The following FAHD2B variants were observed in gnomAD, a reference collection of about 807,000 sequenced individuals.
The protein encoded by FAHD2B is fumarylacetoacetate hydrolase domain containing 2B.
FAHD2B carries 26 observed loss-of-function variants against 33.7 expected under a neutral mutation model. The ratio of observed to expected loss-of-function variants is 0.77; its 90% CI spans 0.57 to 1.07. The LOEUF (loss-of-function observed/expected upper bound fraction) is 1.07, where lower values mean the gene tolerates loss of function less well. FAHD2B is among the 50% of genes least tolerant of loss of function. The pLI, the probability that FAHD2B is intolerant of heterozygous loss-of-function variation, is 0.00. For synonymous variants in FAHD2B, 108 were observed against 150.9 expected (o/e 0.72, Z 2.08); for missense variants, 272 against 388.1 (o/e 0.70, Z 2.51).
intron 4 of FAHD2B, among the ~76,000 whole-genome samples, chr2:97,089,135 A>G (rs2032175751): frequency 6.6e-6 from 1 of 152,006 alleles, no homozygotes; most frequent in Admixed American, 6.6e-5. Context: ...TTGCTCTTAC[A>G]ATTTGCTTAA....
intron 1 of FAHD2B, among the ~76,000 whole-genome samples, chr2:97,092,965 C>CAAA (rs748844060): frequency 2.2e-4 from 14 of 64,166 alleles, no homozygotes; most frequent in African/African-American, 4.0e-4. Flanking sequence ...AGAGCGACTC[C>CAAA]AAAAAAAAAA....
At chr2:97,090,473 A>G in intron 3 of FAHD2B, 148 bp from the exon 4 acceptor site, 1 of 1,448,140 alleles carries the variant, frequency 6.9e-7, no homozygotes, top group Non-Finnish European at 9.1e-7. Context: ...TGTGAAAACC[A>G]CTGACTATTG....
rs562451793 is a variant in FAHD2B at position 97,089,770 on chromosome 2, T to C, written c.462+339A>G. The C allele has an allele frequency of 8.8e-5, 31 of 351,396 alleles. 1 individual carries two copies. In the South Asian group the frequency reaches 8.9e-4, roughly 10 times the overall value. 21.8% of individuals were successfully genotyped at this position (351,396 alleles called of 1,614,324 possible). The stretch of plus-strand genomic sequence containing the variant: ...GAGTCTTAAGTAAAAGGTAAGTATA[T>C]GTACAGTATAAACATATACAGGAGT... On this transcript the variant is annotated intron_variant, in intron 4 of 8. Transcript: ENST00000414820.
chr2:97,087,037 T>C (rs1211257375), intron 4 of FAHD2B: 4 of 152,114 alleles, frequency 2.6e-5, no homozygotes, highest in Non-Finnish European at 4.4e-5. Flanking sequence ...GACACAGGAA[T>C]AAAGAGGGAG....
chr2:97,088,134 T>C (rs1464537428), intron 4 of FAHD2B, among the ~76,000 whole-genome samples: 1 of 152,166 alleles, frequency 6.6e-6, no homozygotes, highest in African/African-American at 2.4e-5. Context: ...CTGTCTGCTA[T>C]AATCAACTTT....
In FAHD2B at chr2:97,091,615, T is replaced by C. The variant is rs780936470; in HGVS notation, c.92A>G (p.Gln31Arg). 1.2e-6 allele frequency: 2 copies of C among 1,613,946 alleles called. No homozygotes were observed. Among genetic ancestry groups the C allele is most frequent in the South Asian group, 1.1e-5 (1 of 90,992 alleles). ...CCCCACCAGGTGGGGTGCCCGGAAC[T>C]GCACTAGTCTCATGTCTCTGGAGGG... is the stretch of plus-strand genomic sequence containing the variant. ...FQPSRDMRLVQFRAPHLVGPH... is the reference protein window; with the variant it reads ...FQPSRDMRLVRFRAPHLVGPH... The change falls in exon 3 of 9, where the codon CAG (glutamine) becomes CGG (arginine). Residue 31 changes from glutamine to arginine, a missense_variant. Coordinates refer to ENST00000414820, the MANE Select transcript of FAHD2B (RefSeq NM_001320848.2).
In FAHD2B at chr2:97,086,441, A is replaced by G. The variant is rs2031997220; in HGVS notation, c.463-243T>C. ...GTCCCCACACCACTGTGACTGCAGAAGAGCAACACGTGTCCAGGGCACTGA... is the reference window on the plus strand; with the variant it reads ...GTCCCCACACCACTGTGACTGCAGAGGAGCAACACGTGTCCAGGGCACTGA... On this transcript the variant is annotated intron_variant, in intron 4 of 8. Coordinates refer to ENST00000414820, the MANE Select transcript of FAHD2B (RefSeq NM_001320848.2). 20 of 547,770 alleles carry G rather than the reference A, an allele frequency of 3.7e-5. 1 individual carries two copies. In the South Asian group the frequency reaches 4.0e-4, roughly 11 times the overall value. The allele number at this position is 547,770 out of a possible 1,614,324, so 33.9% of individuals were successfully genotyped here.
At chr2:97,085,475 T>C in intron 6 of FAHD2B, among the ~76,000 whole-genome samples, 1 of 151,988 alleles carries the variant, frequency 6.6e-6, no homozygotes. Context: ...ACTTCACGCA[T>C]GCAGTTTCAC....
At position 97,090,172 on chromosome 2, in the gene FAHD2B, G is replaced by C; in HGVS notation, c.399C>G (p.Phe133Leu). The change falls in exon 4 of 9, where the codon TTC becomes TTG. Residue 133 changes from phenylalanine to leucine, a missense_variant. Transcript: ENST00000414820. ...NVPVPKEPII[F>L]SKFASSIVGP... The stretch of plus-strand genomic sequence containing the variant: ...CCACGATGGAGCTGGCAAACTTGCT[G>C]AAGATGATGGGCTCCTTGGGCACGG... 1.2e-6 allele frequency: 2 copies of C among 1,610,770 alleles called. No homozygotes were observed. The highest frequency in any genetic ancestry group is 2.1e-4 in the Middle Eastern group (1 of 4,666).
intron 1 of FAHD2B, among the ~76,000 whole-genome samples, chr2:97,092,287 G>A (rs1559141002): frequency 6.6e-6 from 1 of 152,128 alleles, no homozygotes; most frequent in Non-Finnish European, 1.5e-5. Context: ...GTTTAAAATG[G>A]TTTCCACTGC....
At chr2:97,079,796 C>G (rs2031585169), downstream of FAHD2B, among the ~76,000 whole-genome samples, 1 of 151,870 alleles carries the variant, frequency 6.6e-6, no homozygotes. Flanking sequence ...TCCCGAGTAG[C>G]TGGGAGTACA....
intron 6 of FAHD2B, among the ~76,000 whole-genome samples, chr2:97,084,727 C>A (rs774792934): frequency 2.6e-5 from 4 of 151,912 alleles, no homozygotes; most frequent in Non-Finnish European, 4.4e-5. Context: ...CTGGGTAACA[C>A]AGTGAGTGCT....
At chr2:97,082,011 A>G, downstream of FAHD2B, 1 of 1,551,236 alleles carries the variant, frequency 6.4e-7, no homozygotes, top group Non-Finnish European at 8.8e-7. Context: ...CCTGTGACAC[A>G]GGGCAACGGC....
At chr2:97,081,347 G>T (rs1272997361), downstream of FAHD2B, 28 of 1,565,372 alleles carry the variant, frequency 1.8e-5, no homozygotes, top group Non-Finnish European at 2.4e-5. Flanking sequence ...AAACCTCCTG[G>T]GTGGTAGGTC....
At chr2:97,091,013 C>G (rs1188045036) in intron 3 of FAHD2B, among the ~76,000 whole-genome samples, 7 of 92,396 alleles carry the variant, frequency 7.6e-5, no homozygotes, top group East Asian at 2.4e-4. Context: ...CAGGGACACT[C>G]TCACCTAATC....
At chr2:97,083,057 G>A (rs2031712729), downstream of FAHD2B, 1 of 1,385,620 alleles carries the variant, frequency 7.2e-7, no homozygotes, top group Non-Finnish European at 9.6e-7. Flanking sequence ...CTCAAGGCAG[G>A]TTTCTGGGGG....
rs577589666 is a variant in FAHD2B, at chr2:97,091,727, A to G, written c.-6-15T>C. On this transcript the variant is annotated splice_polypyrimidine_tract_variant and intron_variant, in intron 2 of 8. Transcript: ENST00000414820. ...AGCATCAGAGCCTGCAGAGAAAAAC[A>G]CAGGATCCAGGAGATGGAGGATCTC... 7.0e-5 allele frequency: 112 copies of G among 1,600,940 alleles called. No individual in the cohort carries two copies. The East Asian group carries it at 8.7e-4, about 12-fold the overall frequency.
In FAHD2B at chr2:97,091,527, G is replaced by A; in HGVS notation, c.180C>T (p.Pro60=). ...ACTGCGTCATCGTCTTTGGGAGTGT[G>A]GGGTCAAAGGCATTGAGGTTGATAA... ...GGVINLNAFD[P]TLPKTMTQFL... is the part of the protein sequence containing the mutation. Residue 60 remains proline (P), a synonymous_variant, in exon 3 of 9, where the codon CCC becomes CCT. Coordinates refer to ENST00000414820, the MANE Select transcript of FAHD2B (RefSeq NM_001320848.2). 1 of 1,613,562 alleles carries A rather than the reference G, an allele frequency of 6.2e-7. No homozygotes were observed. The highest frequency in any genetic ancestry group is 8.5e-7 in the Non-Finnish European group (1 of 1,179,910).
chr2:97,082,716 A>G (rs1047209175), downstream of FAHD2B: 21 of 1,588,150 alleles, frequency 1.3e-5, no homozygotes, highest in African/African-American at 5.4e-5. Context: ...GTGCGGACCC[A>G]AAGCTTGCCA....
Sources: gnomAD v4.1 joint callset for allele counts (sites outside exome capture counted in the v4.1 genomes callset) on GRCh38, gnomAD v4.1.1 for gene constraint, MANE v1.5 for transcripts, NCBI Gene and HGNC (gene_info 2026-07-23, HGNC 2026-07-21) for gene names.